The following GALNTL6 variants were observed in gnomAD, a reference collection of about 807,000 sequenced individuals.
The protein encoded by GALNTL6 is polypeptide N-acetylgalactosaminyltransferase like 6, also known as polypeptide N-acetylgalactosaminyltransferase-like 6.
A neutral mutation model predicts 73.7 loss-of-function variants in GALNTL6; 46 were observed. The observed-to-expected ratio is 0.62, with a 90% CI of 0.49 to 0.80. GALNTL6 has a LOEUF of 0.80. Ranked by LOEUF, GALNTL6 falls within the 30% of genes least tolerant of loss-of-function variation. The pLI, the probability that GALNTL6 is intolerant of heterozygous loss-of-function variation, is 0.00. For synonymous variants in GALNTL6, 259 were observed against 263.7 expected, an observed-to-expected ratio of 0.98 and a Z score of 0.17; for missense variants, 604 against 755.0, an observed-to-expected ratio of 0.80 and a Z score of 2.34.
chr4:172,492,624 A>T (rs1733937330), intron 5 of GALNTL6, among the ~76,000 whole-genome samples: 3 of 152,124 alleles, frequency 2.0e-5, no homozygotes, highest in African/African-American at 4.8e-5. Flanking sequence ...TTGAGGTGAA[A>T]AACTTTGTCT....
chr4:171,982,550 A>G (rs569204024), intron 2 of GALNTL6, among the ~76,000 whole-genome samples: 58 of 152,168 alleles, frequency 3.8e-4, no homozygotes, highest in African/African-American at 5.8e-4. Context: ...CGCCCGCCTC[A>G]GCCTCCCAAA....
intron 2 of GALNTL6, among the ~76,000 whole-genome samples, chr4:172,006,446 A>G (rs948879701): frequency 6.6e-6 from 1 of 151,996 alleles, no homozygotes; most frequent in Non-Finnish European, 1.5e-5. Flanking sequence ...TAGGCAACAT[A>G]GTGAGACCCT....
At chr4:172,613,552 C>T (rs1435987179) in intron 5 of GALNTL6, among the ~76,000 whole-genome samples, 1 of 151,910 alleles carries the variant, frequency 6.6e-6, no homozygotes, top group Admixed American at 6.6e-5. Flanking sequence ...AAGCATAAGA[C>T]ATGATCTAAT....
chr4:172,430,768 G>T (rs1731418814), intron 5 of GALNTL6, among the ~76,000 whole-genome samples: 1 of 152,094 alleles, frequency 6.6e-6, no homozygotes, highest in African/African-American at 2.4e-5. Flanking sequence ...TCTCACCACT[G>T]CACTCCAGCC....
At chr4:172,074,722 A>G (rs1241921302) in intron 2 of GALNTL6, among the ~76,000 whole-genome samples, 4 of 151,788 alleles carry the variant, frequency 2.6e-5, no homozygotes, top group Non-Finnish European at 5.9e-5. Context: ...AATATGGAAA[A>G]CAGGGCTTTA....
intron 2 of GALNTL6, among the ~76,000 whole-genome samples, chr4:172,006,099 C>T (rs1740832889): frequency 6.6e-6 from 1 of 152,172 alleles, no homozygotes; most frequent in Non-Finnish European, 1.5e-5. Flanking sequence ...AATTTAACAA[C>T]AGCATGTCTA....
intron 2 of GALNTL6, among the ~76,000 whole-genome samples, chr4:171,974,214 T>A (rs1214668173): frequency 6.6e-6 from 1 of 152,072 alleles, no homozygotes; most frequent in Admixed American, 6.6e-5. Context: ...AAGTTTTTGA[T>A]GTCTATGAAG....
chr4:172,000,705 C>T (rs986917903), intron 2 of GALNTL6, among the ~76,000 whole-genome samples: 1 of 152,100 alleles, frequency 6.6e-6, no homozygotes, highest in Non-Finnish European at 1.5e-5. Context: ...GACACCTGTG[C>T]CTTGTTTCTA....
chr4:171,858,002 T>G (rs943055741), intron 2 of GALNTL6, among the ~76,000 whole-genome samples: 1 of 152,294 alleles, frequency 6.6e-6, no homozygotes, highest in Non-Finnish European at 1.5e-5. Context: ...ATGATATGGT[T>G]AGTGGAAAGT....
At position 171,912,777 on chromosome 4, in the gene GALNTL6, C is replaced by T. The variant is rs184452276; in HGVS notation, c.138+98059C>T. Among the ~76,000 whole-genome samples the T allele has an allele frequency of 3.8e-3, 586 of 152,270 alleles. 8 individuals are homozygous for T. The highest frequency in any genetic ancestry group is 0.013 in the African/African-American group (543 of 41,550). On this transcript the variant is annotated intron_variant, in intron 2 of 12. Coordinates refer to ENST00000506823, the MANE Select transcript of GALNTL6 (RefSeq NM_001034845.3). ...ATGAGATCCACTTTTTCAGTTTCCA[C>T]CTCTGAGTGAAAACATGCGGTATTT...
intron 5 of GALNTL6, among the ~76,000 whole-genome samples, chr4:172,593,260 T>C (rs1019027480): frequency 6.6e-6 from 1 of 152,242 alleles, no homozygotes; most frequent in Admixed American, 6.5e-5. Context: ...TCTTGTTTGT[T>C]ACCTTGTATT....
At position 172,665,348 on chromosome 4, in the gene GALNTL6, C is replaced by T. The variant is rs189416609; in HGVS notation, c.554-144013C>T. ...AGCATCATAACAAGGAAAAAATGAA[C>T]TTAGCAAATTGTGCACTGCCTCAAA... On this transcript the variant is annotated intron_variant, in intron 5 of 12. Transcript: ENST00000506823. Among the ~76,000 whole-genome samples, 14 of 152,308 alleles carry T rather than the reference C, an allele frequency of 9.2e-5. No individual in the cohort carries two copies. In the East Asian group the frequency reaches 1.9e-3, roughly 21 times the overall value.
intron 5 of GALNTL6, among the ~76,000 whole-genome samples, chr4:172,684,272 CTTCA>C (rs994901051): frequency 6.6e-6 from 1 of 152,170 alleles, no homozygotes; most frequent in Admixed American, 6.5e-5. Flanking sequence ...CTTCCATCTA[CTTCA>C]TTCATTCATC....
In GALNTL6 at chr4:172,130,640, C is replaced by T. The variant is rs541567577; in HGVS notation, c.139-99016C>T. 2.6e-5 allele frequency among the ~76,000 whole-genome samples: 4 copies of T among 151,922 alleles called. 1 individual carries two copies. In the South Asian group the frequency reaches 8.3e-4, roughly 32 times the overall value. On this transcript the variant is annotated intron_variant, in intron 2 of 12. Coordinates refer to ENST00000506823, the MANE Select transcript of GALNTL6 (RefSeq NM_001034845.3). Reference sequence around the variant, plus strand: ...TCTGTTTTTTCAGCCCATGAACTGACAATATAGGTGTAAATTGTGCCATTT... The same window carrying T: ...TCTGTTTTTTCAGCCCATGAACTGATAATATAGGTGTAAATTGTGCCATTT...
chr4:172,484,009 A>C (rs903000983), intron 5 of GALNTL6, among the ~76,000 whole-genome samples: 1 of 152,196 alleles, frequency 6.6e-6, no homozygotes, highest in African/African-American at 2.4e-5. Context: ...ATCTTCACCG[A>C]AGGAAAAGTT....
At chr4:172,703,327 G>C (rs2111298085) in intron 5 of GALNTL6, among the ~76,000 whole-genome samples, 1 of 151,976 alleles carries the variant, frequency 6.6e-6, no homozygotes, top group Admixed American at 6.6e-5. Context: ...ATTACCTATG[G>C]ATTTTTCATA....
intron 7 of GALNTL6, among the ~76,000 whole-genome samples, chr4:172,878,229 T>C (rs915987939): frequency 6.6e-6 from 1 of 151,974 alleles, no homozygotes; most frequent in Non-Finnish European, 1.5e-5. Flanking sequence ...GTTTTGGTGG[T>C]GGAGTATGAA....
chr4:173,009,650 C>T (rs979470595), intron 11 of GALNTL6, among the ~76,000 whole-genome samples: 8 of 152,310 alleles, frequency 5.3e-5, no homozygotes, highest in African/African-American at 1.9e-4. Flanking sequence ...AACTAAATTT[C>T]ATGGTTTTAA....
At chr4:172,730,443 A>G (rs1025441378) in intron 5 of GALNTL6, among the ~76,000 whole-genome samples, 1 of 152,146 alleles carries the variant, frequency 6.6e-6, no homozygotes, top group Non-Finnish European at 1.5e-5. Context: ...TAATAAAGGG[A>G]TGCTGAATTT....
Sources: allele counts gnomAD v4.1 joint callset (sites outside exome capture counted in the v4.1 genomes callset), GRCh38; gene constraint gnomAD v4.1.1; transcripts MANE v1.5; gene names NCBI Gene and HGNC (gene_info 2026-07-23, HGNC 2026-07-21).